The following RAB11FIP2 variants were observed in gnomAD, a reference collection of about 807,000 sequenced individuals.
The protein encoded by RAB11FIP2 is rab11 family-interacting protein 2.
RAB11FIP2 carries 16 observed loss-of-function variants against 40.9 expected under a neutral mutation model. The ratio of observed to expected loss-of-function variants is 0.39; its 90% CI spans 0.26 to 0.59. The LOEUF (loss-of-function observed/expected upper bound fraction) is 0.59, where lower values mean the gene tolerates loss of function less well. Ranked by LOEUF, RAB11FIP2 falls within the 20% of genes least tolerant of loss-of-function variation. The pLI, the probability that RAB11FIP2 is intolerant of heterozygous loss-of-function variation, is 0.53. For missense variants in RAB11FIP2, 532 were observed against 606.2 expected, an observed-to-expected ratio of 0.88 and a Z score of 1.28; for synonymous variants, 228 against 213.7, an observed-to-expected ratio of 1.07 and a Z score of -0.58.
In RAB11FIP2 at chr10:118,027,249, G is replaced by A. The variant is rs1049315854; in HGVS notation, c.1265+11723C>T. On this transcript the variant is annotated intron_variant, in intron 3 of 4. Coordinates refer to ENST00000355624, the MANE Select transcript of RAB11FIP2 (RefSeq NM_014904.3). The stretch of plus-strand genomic sequence containing the variant: ...GTAGAAAGGTTAAGTAAGGCCACGC[G>A]GCTAACAGAGACTCAAACGCAGACC... Among the ~76,000 whole-genome samples, 12 of 152,016 alleles carry A rather than the reference G, an allele frequency of 7.9e-5. No homozygotes were observed. In the South Asian group the frequency reaches 1.2e-3, roughly 16 times the overall value.
intron 3 of RAB11FIP2, among the ~76,000 whole-genome samples, chr10:118,027,868 G>A (rs1846364026): frequency 6.6e-6 from 1 of 152,000 alleles, no homozygotes; most frequent in South Asian, 2.1e-4. Context: ...TGTCTATCTA[G>A]TCATGCCCCA....
intron 3 of RAB11FIP2, among the ~76,000 whole-genome samples, chr10:118,019,361 A>C (rs1700070367): frequency 6.6e-6 from 1 of 152,176 alleles, no homozygotes; most frequent in African/African-American, 2.4e-5. Context: ...GCAGGAGGGA[A>C]GAGGAGGAAG....
chr10:118,033,086 C>A (rs373508363), intron 3 of RAB11FIP2, among the ~76,000 whole-genome samples: 15 of 151,906 alleles, frequency 9.9e-5, no homozygotes, highest in East Asian at 9.7e-4. Flanking sequence ...GAAAAAAAAA[C>A]ACAGGATATA....
chr10:118,015,483 G>T (rs1589638102), intron 3 of RAB11FIP2, among the ~76,000 whole-genome samples: 1 of 152,264 alleles, frequency 6.6e-6, no homozygotes, highest in South Asian at 2.1e-4. Flanking sequence ...TAAAACTAGG[G>T]AGAATTAAGT....
chr10:118,014,219 T>G (rs1846189899), intron 4 of RAB11FIP2, among the ~76,000 whole-genome samples: 1 of 152,054 alleles, frequency 6.6e-6, no homozygotes, highest in African/African-American at 2.4e-5. Flanking sequence ...TAGTGATATG[T>G]GATATGGGAT....
intron 3 of RAB11FIP2, among the ~76,000 whole-genome samples, chr10:118,025,933 A>G (rs768593959): frequency 4.6e-5 from 7 of 152,214 alleles, no homozygotes; most frequent in Non-Finnish European, 1.0e-4. Flanking sequence ...CAGGACAGTT[A>G]TTTACAACTA....
At chr10:118,011,907 A>G (rs899117568) in intron 4 of RAB11FIP2, among the ~76,000 whole-genome samples, 2 of 151,948 alleles carry the variant, frequency 1.3e-5, no homozygotes, top group Admixed American at 6.6e-5. Flanking sequence ...GCATCTATTC[A>G]AGTCTCTCTA....
chr10:118,034,251 G>T (rs1258508072), intron 3 of RAB11FIP2, among the ~76,000 whole-genome samples: 2 of 152,060 alleles, frequency 1.3e-5, no homozygotes, highest in South Asian at 4.1e-4. Context: ...CAAAACGGAG[G>T]ATTGTGTTAA....
At chr10:118,012,428 AAC>A (rs1564829771) in intron 4 of RAB11FIP2, among the ~76,000 whole-genome samples, 1 of 151,942 alleles carries the variant, frequency 6.6e-6, no homozygotes, top group Non-Finnish European at 1.5e-5. Flanking sequence ...AATAATTAAA[AAC>A]AGTTTCATGC....
chr10:118,039,194 T>C lies in RAB11FIP2; in HGVS notation c.1043A>G (p.Glu348Gly). 3.7e-6 allele frequency: 6 copies of C among 1,613,746 alleles called. No individual in the cohort carries two copies. Among genetic ancestry groups the C allele is most frequent in the Non-Finnish European group, 4.2e-6 (5 of 1,179,806 alleles). The change falls in exon 3 of 5, where the codon GAA becomes GGA. Residue 348 changes from glutamate (E) to glycine (G), a missense_variant. Glu to Gly is a moderately conservative substitution (Grantham distance 98). Transcript: ENST00000355624. ...TTTCTCCCTTTTCTCTCTTTTATTT[T>C]CTTTTCTTATTTCAATTGGTTTTGA... ...LFSKPIEIRK[E>G]NKREKREKVS... is the part of the protein sequence containing the mutation.
Position 118,045,881 on chromosome 10 carries a change from C to G in RAB11FIP2, c.283G>C (p.Asp95His). The G allele has an allele frequency of 2.5e-6, 4 of 1,614,104 alleles. No individual in the cohort carries two copies. Among genetic ancestry groups the G allele is most frequent in the Non-Finnish European group, 3.4e-6 (4 of 1,179,986 alleles). Reference protein sequence around the residue: ...IVMHRSLVGLDKFLGQVAINL... With the variant: ...IVMHRSLVGLHKFLGQVAINL... ...ATTGCCACCTGCCCTAAAAATTTATCCAGACCCACCAGGGACCTGTGCATA... is the reference window on the plus strand; with the variant it reads ...ATTGCCACCTGCCCTAAAAATTTATGCAGACCCACCAGGGACCTGTGCATA... Residue 95 changes from aspartate to histidine, a missense_variant, in exon 1 of 5, where the codon GAT becomes CAT. Asp to His is a moderately conservative substitution (Grantham distance 81). Transcript: ENST00000355624.
chr10:118,013,204 G>T (rs536692851), intron 4 of RAB11FIP2, among the ~76,000 whole-genome samples: 2 of 151,922 alleles, frequency 1.3e-5, no homozygotes, highest in Non-Finnish European at 2.9e-5. Context: ...GACATCCAAG[G>T]CAACTAGAGG....
Position 118,007,833 on chromosome 10 carries a change from T to G in RAB11FIP2, c.*1165A>C, listed in dbSNP as rs533079979. ...TTCTTAAAGGGTGGATGTGGAGTAA[T>G]GCATAATGTCACGCTCGTAAAGTTC... On this transcript the variant is annotated 3_prime_UTR_variant, in exon 5 of 5. Transcript: ENST00000355624. The G allele has an allele frequency of 6.6e-6, 1 of 152,498 alleles. No individual in the cohort carries two copies. The highest frequency in any genetic ancestry group is 2.4e-5 in the African/African-American group (1 of 41,540). 9.4% of individuals were successfully genotyped at this position (152,498 alleles called of 1,614,324 possible).
Position 118,006,423 on chromosome 10 carries a change from T to C in RAB11FIP2, c.*2575A>G, listed in dbSNP as rs1329957425. The C allele has an allele frequency of 6.6e-6, 1 of 152,446 alleles. No homozygotes were observed. The highest frequency in any genetic ancestry group is 6.5e-5 in the Admixed American group (1 of 15,268). The allele number at this position is 152,446 out of a possible 1,614,324, so 9.4% of individuals were successfully genotyped here. A position where few individuals can be genotyped will look rare whatever the true frequency, so the allele number is the denominator to read the frequency against. The stretch of plus-strand genomic sequence containing the variant: ...CTATAATCTAGTGTACTGTGCATTA[T>C]TTAATAAGCACATATATTTTATTTC... On this transcript the variant is annotated 3_prime_UTR_variant, in exon 5 of 5. Coordinates refer to ENST00000355624, the MANE Select transcript of RAB11FIP2 (RefSeq NM_014904.3).
At chr10:118,037,898 G>A (rs545277074) in intron 3 of RAB11FIP2, among the ~76,000 whole-genome samples, 37 of 152,010 alleles carry the variant, frequency 2.4e-4, no homozygotes, top group African/African-American at 5.8e-4. Flanking sequence ...GCACATATAC[G>A]CAACCTCCCA....
intron 3 of RAB11FIP2, among the ~76,000 whole-genome samples, chr10:118,016,990 T>C (rs1397720002): frequency 2.6e-5 from 4 of 152,350 alleles, no homozygotes; most frequent in East Asian, 1.9e-4. Context: ...TAGCACTTAA[T>C]GTGTGCCAGA....
At chr10:118,029,698 C>T (rs577888140) in intron 3 of RAB11FIP2, among the ~76,000 whole-genome samples, 1 of 152,060 alleles carries the variant, frequency 6.6e-6, no homozygotes, top group South Asian at 2.1e-4. Flanking sequence ...ACCACTGAGA[C>T]AGCAGGTAAC....
At chr10:118,045,020 A>T (rs1589650098) in intron 1 of RAB11FIP2, among the ~76,000 whole-genome samples, 1 of 152,152 alleles carries the variant, frequency 6.6e-6, no homozygotes, top group African/African-American at 2.4e-5. Context: ...ATGATTTTTT[A>T]AATTAAAATG....
chr10:118,036,339 A>C (rs1278712381), intron 3 of RAB11FIP2, among the ~76,000 whole-genome samples: 1 of 152,126 alleles, frequency 6.6e-6, no homozygotes, highest in Non-Finnish European at 1.5e-5. Flanking sequence ...TCCTGAAAAA[A>C]ATTCACAGCA....
Sources: allele counts gnomAD v4.1 joint callset (sites outside exome capture counted in the v4.1 genomes callset), GRCh38; gene constraint gnomAD v4.1.1; transcripts MANE v1.5; gene names NCBI Gene and HGNC (gene_info 2026-07-23, HGNC 2026-07-21).